The following RABGAP1L variants were observed in gnomAD, a reference collection of about 807,000 sequenced individuals.
RABGAP1L encodes the protein RAB GTPase activating protein 1 like, also known as rab GTPase-activating protein 1-like.
RABGAP1L carries 63 observed loss-of-function variants against 137.7 expected under a neutral mutation model. The observed-to-expected ratio is 0.46, with a 90% confidence interval of 0.37 to 0.56. The LOEUF (loss-of-function observed/expected upper bound fraction) is 0.56. Among genes scored for constraint, RABGAP1L ranks in the 20% least tolerant of loss-of-function variants. The pLI, the probability that RABGAP1L is intolerant of heterozygous loss-of-function variation, is 0.00. For missense variants in RABGAP1L, 1,095 were observed against 1,244.0 expected (o/e 0.88, Z 1.80); for synonymous variants, 431 against 433.7 (o/e 0.99, Z 0.08).
At chr1:174,442,330 T>G (rs1311151809) in intron 13 of RABGAP1L, among the ~76,000 whole-genome samples, 6 of 152,148 alleles carry the variant, frequency 3.9e-5, no homozygotes, top group Non-Finnish European at 1.5e-5. Context: ...TTTCTAGCCT[T>G]TTGTATAAAA....
intron 11 of RABGAP1L, among the ~76,000 whole-genome samples, chr1:174,362,820 T>C (rs1401824156): frequency 6.6e-6 from 1 of 152,250 alleles, no homozygotes; most frequent in African/African-American, 2.4e-5. Context: ...CAATTTTTGC[T>C]TCTGTTGCAG....
chr1:174,532,917 A>G (rs541109369), intron 13 of RABGAP1L, among the ~76,000 whole-genome samples: 1 of 152,352 alleles, frequency 6.6e-6, no homozygotes, highest in African/African-American at 2.4e-5. Flanking sequence ...ATAAATATCC[A>G]TGTATCCACA....
rs538145765 is a variant in RABGAP1L, at chr1:174,301,002, G to C, written c.1324-3984G>C. 3.9e-5 allele frequency among the ~76,000 whole-genome samples: 6 copies of C among 152,254 alleles called. No individual in the cohort carries two copies. In the South Asian group the frequency reaches 1.2e-3, roughly 32 times the overall value. Reference sequence around the variant, plus strand: ...TTGGTAACACCCCTGTCCGGGTTTTGCTGGGCCTGGGTTCATCACAGGAGA... The same window carrying C: ...TTGGTAACACCCCTGTCCGGGTTTTCCTGGGCCTGGGTTCATCACAGGAGA... On this transcript the variant is annotated intron_variant, in intron 10 of 25. Transcript: ENST00000681986.
chr1:174,621,957 G>C (rs1672520651), intron 13 of RABGAP1L, among the ~76,000 whole-genome samples: 1 of 152,160 alleles, frequency 6.6e-6, no homozygotes, highest in Non-Finnish European at 1.5e-5. Flanking sequence ...CTACTCATCT[G>C]ACAAAGGGCT....
chr1:174,570,760 G>A (rs1268446390), intron 13 of RABGAP1L, among the ~76,000 whole-genome samples: 1 of 152,108 alleles, frequency 6.6e-6, no homozygotes, highest in African/African-American at 2.4e-5. Context: ...TTATAAAAAA[G>A]TCAGGCAATA....
chr1:174,458,505 A>G (rs1368686470), intron 13 of RABGAP1L, among the ~76,000 whole-genome samples: 2 of 152,090 alleles, frequency 1.3e-5, no homozygotes, highest in Non-Finnish European at 2.9e-5. Flanking sequence ...GAAAATTTCT[A>G]GCATATGAAT....
chr1:174,438,744 G>GTATATATATATATATATGTA (rs1553302952), intron 13 of RABGAP1L, among the ~76,000 whole-genome samples: 29 of 95,450 alleles, frequency 3.0e-4, no homozygotes, highest in African/African-American at 1.4e-3. Context: ...GTGTGTGTGT[G>GTATATATATATATATATGTA]TATATATATA....
At chr1:174,635,270 T>A (rs1431567047) in intron 13 of RABGAP1L, among the ~76,000 whole-genome samples, 1 of 152,172 alleles carries the variant, frequency 6.6e-6, no homozygotes, top group Admixed American at 6.5e-5. Flanking sequence ...AAAAGAGTTA[T>A]CCTGCGGGCC....
At chr1:174,863,115 A>G (rs890085776) in intron 19 of RABGAP1L, among the ~76,000 whole-genome samples, 4 of 148,846 alleles carry the variant, frequency 2.7e-5, no homozygotes, top group Non-Finnish European at 5.9e-5. Flanking sequence ...GCTGATCTCG[A>G]ATTCCTGACC....
At chr1:174,856,497 A>T (rs1649331331) in intron 19 of RABGAP1L, among the ~76,000 whole-genome samples, 1 of 152,168 alleles carries the variant, frequency 6.6e-6, no homozygotes, top group African/African-American at 2.4e-5. Flanking sequence ...TTCTCAGATT[A>T]GACTAACCAA....
At chr1:174,943,493 C>G (rs1666224129) in intron 19 of RABGAP1L, among the ~76,000 whole-genome samples, 1 of 152,198 alleles carries the variant, frequency 6.6e-6, no homozygotes, top group Non-Finnish European at 1.5e-5. Flanking sequence ...GAGCACTTAA[C>G]TTACTTTGTA....
At chr1:174,848,893 A>G (rs2148976433) in intron 19 of RABGAP1L, among the ~76,000 whole-genome samples, 1 of 151,056 alleles carries the variant, frequency 6.6e-6, no homozygotes, top group East Asian at 2.0e-4. Context: ...CCGTGGGCGT[A>G]GGACCCTCCG....
At chr1:174,979,620 C>G (rs1191400383) in intron 23 of RABGAP1L, among the ~76,000 whole-genome samples, 4 of 152,196 alleles carry the variant, frequency 2.6e-5, no homozygotes, top group African/African-American at 9.7e-5. Flanking sequence ...GTGGTAGGCA[C>G]TCTTTTTCCT....
chr1:174,482,382 A>C (rs930909565), intron 13 of RABGAP1L, among the ~76,000 whole-genome samples: 6 of 152,246 alleles, frequency 3.9e-5, no homozygotes, highest in Non-Finnish European at 8.8e-5. Flanking sequence ...CTTTAGAGGT[A>C]ATTTGTTCAT....
intron 13 of RABGAP1L, among the ~76,000 whole-genome samples, chr1:174,562,855 G>C (rs1423654240): frequency 6.6e-6 from 1 of 152,086 alleles, no homozygotes; most frequent in Non-Finnish European, 1.5e-5. Flanking sequence ...GATCTGTGAG[G>C]GGCTGGGGGG....
At chr1:174,232,889 C>T (rs1398848572) in intron 4 of RABGAP1L, among the ~76,000 whole-genome samples, 1 of 152,028 alleles carries the variant, frequency 6.6e-6, no homozygotes, top group Non-Finnish European at 1.5e-5. Context: ...CCAACTTGTT[C>T]TTCCCCTCTT....
intron 13 of RABGAP1L, among the ~76,000 whole-genome samples, chr1:174,550,557 A>T (rs968603551): frequency 1.3e-5 from 2 of 152,142 alleles, no homozygotes; most frequent in African/African-American, 4.8e-5. Context: ...TAAAAATTCA[A>T]TGGACAAAAG....
intron 13 of RABGAP1L, among the ~76,000 whole-genome samples, chr1:174,423,194 A>G (rs893617688): frequency 6.6e-6 from 1 of 152,152 alleles, no homozygotes; most frequent in Non-Finnish European, 1.5e-5. Context: ...TAAAGCTGTC[A>G]CCCAAATCTC....
intron 13 of RABGAP1L, among the ~76,000 whole-genome samples, chr1:174,505,420 C>T (rs547221035): frequency 5.6e-4 from 84 of 151,228 alleles, no homozygotes; most frequent in South Asian, 6.3e-4. Flanking sequence ...AACATTATAT[C>T]GGTACATATT....
Sources: gnomAD v4.1 joint callset for allele counts (sites outside exome capture counted in the v4.1 genomes callset) on GRCh38, gnomAD v4.1.1 for gene constraint, MANE v1.5 for transcripts, NCBI Gene and HGNC (gene_info 2026-07-23, HGNC 2026-07-21) for gene names.